The following IQGAP3 variants were observed in gnomAD, a reference collection of about 807,000 sequenced individuals.
IQGAP3 encodes the protein ras GTPase-activating-like protein IQGAP3.
Under a neutral mutation model 208.2 loss-of-function variants are expected in IQGAP3, and 165 were observed. That is an observed-to-expected ratio of 0.79 (90% CI 0.70 to 0.90). IQGAP3 has a LOEUF of 0.90. IQGAP3 is among the 40% of genes least tolerant of loss of function. The pLI, the probability that IQGAP3 is intolerant of heterozygous loss-of-function variation, is 0.00. For synonymous variants in IQGAP3, 703 were observed against 803.6 expected (o/e 0.87, Z 2.12); for missense variants, 1,811 against 2,043.1 (o/e 0.89, Z 2.19).
At chr1:156,556,778 G>T (rs1323166074) in intron 11 of IQGAP3, 85 bp from the exon 12 acceptor site, 2 of 1,267,798 alleles carry the variant, frequency 1.6e-6, no homozygotes, top group Non-Finnish European at 1.1e-6. Flanking sequence ...TCCGCCGGGG[G>T]ATCTTGGTGG....
intron 5 of IQGAP3, among the ~76,000 whole-genome samples, chr1:156,564,368 C>A (rs1373651008): frequency 6.6e-6 from 1 of 152,148 alleles, no homozygotes; most frequent in Non-Finnish European, 1.5e-5. Flanking sequence ...GAAGGCCCTA[C>A]CCTGCTACTT....
At chr1:156,527,402 C>T (rs906907042) in intron 37 of IQGAP3, among the ~76,000 whole-genome samples, 10 of 151,966 alleles carry the variant, frequency 6.6e-5, no homozygotes, top group Non-Finnish European at 2.9e-5. Flanking sequence ...CGCTTGAACC[C>T]AGGAGGCAGA....
intron 35 of IQGAP3, 48 bp from the exon 36 acceptor site, chr1:156,528,658 A>C: frequency 6.9e-7 from 1 of 1,450,154 alleles, no homozygotes; most frequent in Non-Finnish European, 9.6e-7. Flanking sequence ...ACACTTTACC[A>C]CCAAAGAAAC....
chr1:156,543,897 G>C, intron 22 of IQGAP3, 84 bp downstream of exon 22: 1 of 1,167,616 alleles, frequency 8.6e-7, no homozygotes, highest in Non-Finnish European at 1.3e-6. Context: ...CTGCTGTGCA[G>C]TCGCAGAAGG....
At chr1:156,536,872 A>G (rs1045338534) in intron 27 of IQGAP3, 1 of 233,172 alleles carries the variant, frequency 4.3e-6, no homozygotes, top group African/African-American at 2.3e-5. Context: ...TGGGAACTGA[A>G]GAGTCCCATT....
intron 15 of IQGAP3, 115 bp downstream of exon 15, chr1:156,551,590 C>T: frequency 8.9e-7 from 1 of 1,129,472 alleles, no homozygotes; most frequent in Non-Finnish European, 1.2e-6. Context: ...CCCCTCACCC[C>T]CACCCAGAAG....
rs80102127 is a variant in IQGAP3, at chr1:156,555,899, G to C, written c.1290+634C>G. 2.0e-5 allele frequency among the ~76,000 whole-genome samples: 3 copies of C among 152,312 alleles called. No homozygotes were observed. The East Asian group carries it at 5.8e-4, about 29-fold the overall frequency. On this transcript the variant is annotated intron_variant, in intron 12 of 37. Transcript: ENST00000361170. ...CCTATGTTGAGACTGTGCCTTTCCT[G>C]AGGGCTGTGCCTGTATCCAAGTCAT...
intron 7 of IQGAP3, 33 bp downstream of exon 7, chr1:156,563,520 C>A (rs1251075680): frequency 1.9e-6 from 3 of 1,564,764 alleles, no homozygotes; most frequent in East Asian, 2.3e-5. Context: ...ACGCATTGAG[C>A]CTACTCCTGG....
At chr1:156,539,645 AC>A in intron 24 of IQGAP3, 108 bp from the exon 25 acceptor site, 1 of 1,275,686 alleles carries the variant, frequency 7.8e-7, no homozygotes, top group Non-Finnish European at 1.1e-6. Flanking sequence ...AGAAAGCACT[AC>A]CACACTTTCT....
At chr1:156,549,371 T>C (rs1222072319) in intron 16 of IQGAP3, among the ~76,000 whole-genome samples, 1 of 150,734 alleles carries the variant, frequency 6.6e-6, no homozygotes, top group Middle Eastern at 3.2e-3. Context: ...CTCGGGAGGC[T>C]GAGGCCCAAG....
chr1:156,538,205 T>C (rs6697621), intron 26 of IQGAP3, among the ~76,000 whole-genome samples: 70,798 of 152,038 alleles, frequency 0.47, 19,312 homozygotes, highest in African/African-American at 0.75. Flanking sequence ...GGACTACAGG[T>C]GCCTGCCACC....
chr1:156,542,545 T>C (rs938831624), intron 22 of IQGAP3, among the ~76,000 whole-genome samples: 8 of 152,184 alleles, frequency 5.3e-5, no homozygotes, highest in African/African-American at 1.9e-4. Flanking sequence ...ATTCATGGCA[T>C]CTTGGATTCG....
rs926887050 is a variant in IQGAP3 at position 156,539,185 on chromosome 1, A to C, written c.3057-152T>G. 31 of 823,498 alleles carry C rather than the reference A, an allele frequency of 3.8e-5. No individual in the cohort carries two copies. The East Asian group carries it at 8.0e-4, about 21-fold the overall frequency. 51.0% of individuals were successfully genotyped at this position (823,498 alleles called of 1,614,324 possible). The stretch of plus-strand genomic sequence containing the variant: ...TATCTCTCTCATCCTTTGTGTTAGC[A>C]TGTCAGCCCATATCCTCCCACTGTG... On this transcript the variant is annotated intron_variant, in intron 25 of 37. Transcript: ENST00000361170.
At chr1:156,535,414 C>T (rs1674645085) in intron 27 of IQGAP3, among the ~76,000 whole-genome samples, 167 bp from the exon 28 acceptor site, 1 of 152,196 alleles carries the variant, frequency 6.6e-6, no homozygotes, top group Admixed American at 6.5e-5. Context: ...CTGCTGCCTT[C>T]CTCCAAACGT....
rs1195100345 is a variant in IQGAP3, at chr1:156,528,572, T to A, written c.4610A>T (p.Tyr1537Phe). 6.2e-7 allele frequency: 1 copy of A among 1,613,898 alleles called. No individual in the cohort carries two copies. The highest frequency in any genetic ancestry group is 8.5e-7 in the Non-Finnish European group (1 of 1,179,916). The change falls in exon 36 of 38, where the codon TAC becomes TTC. Residue 1537 changes from tyrosine to phenylalanine, a missense_variant. Physicochemically the swap from Tyr to Phe is conservative, Grantham distance 22. Transcript: ENST00000361170. ...CTTTTCCAGGAGCTGAGCAGCAGTGTAATGAAGAGAAGGCTGCTTCTTCCC... is the reference window on the plus strand; with the variant it reads ...CTTTTCCAGGAGCTGAGCAGCAGTGAAATGAAGAGAAGGCTGCTTCTTCCC... ...GKGKKQPSLH[Y>F]TAAQLLEKGV...
rs1674883037 is a variant in IQGAP3 at position 156,539,714 on chromosome 1, A to G, written c.2892+124T>C. 4 of 1,254,482 alleles carry G rather than the reference A, an allele frequency of 3.2e-6. No individual in the cohort carries two copies. The East Asian group carries it at 9.4e-5, about 30-fold the overall frequency. The allele number at this position is 1,254,482 out of a possible 1,614,324, so 77.7% of individuals were successfully genotyped here. A position where few individuals can be genotyped will look rare whatever the true frequency, so the allele number is the denominator to read the frequency against. ...GAAGAGGTAGTCTCCTTTCCTGGGG[A>G]TAAGGAATTAAGATTATGGGAAAGG... On this transcript the variant is annotated intron_variant, in intron 24 of 37. Transcript: ENST00000361170.
At chr1:156,554,963 AG>A (rs1407787159) in intron 12 of IQGAP3, among the ~76,000 whole-genome samples, 2 of 152,200 alleles carry the variant, frequency 1.3e-5, no homozygotes, top group African/African-American at 4.8e-5. Context: ...AGACTGAGGC[AG>A]GAGGATCGCT....
intron 27 of IQGAP3, among the ~76,000 whole-genome samples, chr1:156,536,286 A>C (rs1452608723): frequency 2.6e-5 from 4 of 152,322 alleles, no homozygotes; most frequent in Admixed American, 2.6e-4. Context: ...AAAGAAAAAC[A>C]AACAAAAAAA....
rs750018606 is a variant in IQGAP3, at chr1:156,548,410, T to C, written c.2071A>G (p.Ile691Val). 6.2e-7 allele frequency: 1 copy of C among 1,613,846 alleles called. No homozygotes were observed. The change falls in exon 18 of 38, where the codon ATC (isoleucine) becomes GTC (valine). Residue 691 changes from isoleucine (I) to valine (V), a missense_variant. Ile to Val is a conservative substitution (Grantham distance 29). Coordinates refer to ENST00000361170, the MANE Select transcript of IQGAP3 (RefSeq NM_178229.5). ...YYFHLQTFQG[I>V]WEQPPGCPLN... ...GGGCAGCCAGGAGGTTGCTCCCAGA[T>C]CCCCTGGAAGGTCTGCAGATGGAAG...
Sources: gnomAD v4.1 joint callset for allele counts (sites outside exome capture counted in the v4.1 genomes callset) on GRCh38, gnomAD v4.1.1 for gene constraint, MANE v1.5 for transcripts, NCBI Gene and HGNC (gene_info 2026-07-23, HGNC 2026-07-21) for gene names.